Variants in CRY2 observed in about 807,000 individuals in gnomAD.
CRY2 encodes cryptochrome-2.
A neutral mutation model predicts 69.5 loss-of-function variants in CRY2; 31 were observed. That is an observed-to-expected ratio of 0.45 (90% confidence interval 0.34 to 0.60). The LOEUF (loss-of-function observed/expected upper bound fraction) is 0.60. Among genes scored for constraint, CRY2 ranks in the 20% least tolerant of loss-of-function variants. CRY2 has a pLI of 0.02. For missense variants in CRY2, 606 were observed against 797.8 expected (o/e 0.76, Z 2.90); for synonymous variants, 303 against 312.2 (o/e 0.97, Z 0.31).
chr11:45,861,995 C>A, intron 4 of CRY2, 65 bp from the exon 5 acceptor site: 1 of 1,351,036 alleles, frequency 7.4e-7, no homozygotes, highest in Non-Finnish European at 1.0e-6. Context: ...AATAACAGAA[C>A]AGCCGTGCCG....
intron 10 of CRY2, 70 bp downstream of exon 10, chr11:45,871,004 AG>A: frequency 7.4e-7 from 1 of 1,346,220 alleles, no homozygotes; most frequent in Non-Finnish European, 1.0e-6. Context: ...TTCAGGACTG[AG>A]GCCAGAAGGA....
chr11:45,870,726 A>G, intron 9 of CRY2, 116 bp from the exon 10 acceptor site: 1 of 1,100,028 alleles, frequency 9.1e-7, no homozygotes, highest in African/African-American at 1.5e-5. Flanking sequence ...TGTGGGAGGA[A>G]ATGGAACCTC....
In CRY2 at chr11:45,858,789, G is replaced by A. The variant is rs372353251; in HGVS notation, c.383G>A (p.Arg128Gln). 4 of 1,614,058 alleles carry A rather than the reference G, an allele frequency of 2.5e-6. No individual in the cohort carries two copies. The highest frequency in any genetic ancestry group is 1.3e-5 in the African/African-American group (1 of 74,932). ...EYDSEPFGKE[R>Q]DAAIMKMAKE... is the part of the protein sequence containing the mutation. ...GACTCTGAACCCTTTGGGAAAGAAC[G>A]GGATGCAGCCATCATGAAGATGGCC... The change falls in exon 3 of 12, where the codon CGG becomes CAG. Residue 128 changes from arginine to glutamine, a missense_variant. By Grantham distance (43) the Arg-to-Gln change is conservative. This residue lies in a region of CRY2 where 382 missense variants were observed against 508.9 expected (regional missense o/e 0.75). Transcript: ENST00000616080.
intron 11 of CRY2, among the ~76,000 whole-genome samples, chr11:45,872,488 C>T (rs1330330939): frequency 1.3e-5 from 2 of 152,022 alleles, no homozygotes; most frequent in African/African-American, 2.4e-5. Flanking sequence ...TGTATGTAAT[C>T]CCAGCACTTT....
intron 2 of CRY2, among the ~76,000 whole-genome samples, chr11:45,856,739 T>C (rs528184492): frequency 2.0e-3 from 296 of 148,188 alleles, no homozygotes; most frequent in African/African-American, 6.8e-3. Flanking sequence ...GAGCTTTCAG[T>C]GAGCCGAGAT....
rs184137627 is a variant in CRY2, at chr11:45,862,133, G to A, written c.726G>A (p.Lys242=). 35 of 1,613,758 alleles carry A rather than the reference G, an allele frequency of 2.2e-5. No homozygotes were observed. The African/African-American group carries it at 3.5e-4, about 16-fold the overall frequency. The change falls in exon 5 of 12, where the codon AAG becomes AAA. Residue 242 remains lysine (K), a synonymous_variant. Coordinates refer to ENST00000616080, the MANE Select transcript of CRY2 (RefSeq NM_021117.5). The part of the protein sequence containing the change: ...GETEALARLD[K]HLERKAWVAN... ...CAGAAGCTCTGGCCCGCCTGGATAA[G>A]CACTTGGAACGGAAGGTATGGGCCG...
rs893693792 is a variant in CRY2, at chr11:45,883,159, A to T, written c.*2248A>T. On this transcript the variant is annotated 3_prime_UTR_variant, in exon 12 of 12. Coordinates refer to ENST00000616080, the MANE Select transcript of CRY2 (RefSeq NM_021117.5). ...GTTGCAGGCAAAATGCACTTTATAG[A>T]GATTTTCTATTGCTGGGAAGGTGTG... The T allele has an allele frequency of 2.5e-5, 4 of 162,998 alleles. No individual in the cohort carries two copies. Among genetic ancestry groups the T allele is most frequent in the African/African-American group, 9.6e-5 (4 of 41,856 alleles). The allele number at this position is 162,998 out of a possible 1,614,324, so 10.1% of individuals were successfully genotyped here.
At chr11:45,880,120 G>A (rs918086692) in intron 11 of CRY2, among the ~76,000 whole-genome samples, 14 of 152,204 alleles carry the variant, frequency 9.2e-5, no homozygotes, top group African/African-American at 3.1e-4. Context: ...CAGCACAAGT[G>A]TATAGTACCT....
intron 5 of CRY2, among the ~76,000 whole-genome samples, chr11:45,862,586 A>G (rs1046381465): frequency 3.3e-5 from 5 of 152,242 alleles, no homozygotes; most frequent in African/African-American, 9.6e-5. Flanking sequence ...TGCTCACCTT[A>G]TAACACAGTA....
chr11:45,855,967 G>T lies in CRY2; in HGVS notation c.216-15G>T. 1.2e-6 allele frequency: 2 copies of T among 1,600,736 alleles called. No individual in the cohort carries two copies. The highest frequency in any genetic ancestry group is 1.7e-6 in the Non-Finnish European group (2 of 1,167,876). ...CATGATGTTATCACTAACAAGGCCT[G>T]TGTGGACTCCACAGGTTCCTACTTC... On this transcript the variant is annotated splice_polypyrimidine_tract_variant and intron_variant, in intron 1 of 11. Transcript: ENST00000616080.
intron 4 of CRY2, 196 bp from the exon 5 acceptor site, chr11:45,861,864 A>G (rs1414129660): frequency 1.7e-6 from 1 of 576,740 alleles, no homozygotes; most frequent in Admixed American, 3.1e-5. Flanking sequence ...GTGCAGGGGA[A>G]AGCAGAGAAA....
intron 1 of CRY2, among the ~76,000 whole-genome samples, chr11:45,848,192 C>G (rs1174146535): frequency 6.6e-6 from 1 of 152,192 alleles, no homozygotes; most frequent in Non-Finnish European, 1.5e-5. Context: ...TGAATCCGCC[C>G]TACCACCCAT....
intron 5 of CRY2, among the ~76,000 whole-genome samples, chr11:45,862,828 C>G (rs1016477372): frequency 6.6e-6 from 1 of 152,144 alleles, no homozygotes; most frequent in African/African-American, 2.4e-5. Context: ...AGGAAAGAAG[C>G]CCAGGCCTCA....
chr11:45,871,096 G>C (rs1046751286), intron 10 of CRY2, among the ~76,000 whole-genome samples, 162 bp downstream of exon 10: 1 of 152,238 alleles, frequency 6.6e-6, no homozygotes. Flanking sequence ...CAGATAACAA[G>C]TGCTTTGGAG....
chr11:45,847,277 A>G, upstream of CRY2: 3 of 1,547,974 alleles, frequency 1.9e-6, no homozygotes, highest in South Asian at 2.4e-5. Flanking sequence ...GCGGACCCAC[A>G]CATGGTAGGA....
intron 11 of CRY2, among the ~76,000 whole-genome samples, chr11:45,876,888 T>C (rs2134651372): frequency 6.6e-6 from 1 of 152,322 alleles, no homozygotes. Context: ...CAGACTAGTG[T>C]CTGCATCCCA....
At chr11:45,860,400 A>AC (rs1345349160) in intron 3 of CRY2, among the ~76,000 whole-genome samples, 2 of 151,750 alleles carry the variant, frequency 1.3e-5, no homozygotes, top group African/African-American at 2.4e-5. Flanking sequence ...AAAAAAAAAA[A>AC]AAAAAACATG....
At position 45,882,761 on chromosome 11, in the gene CRY2, CTG is replaced by C. The variant is rs938899905; in HGVS notation, c.*1851_*1852del. On this transcript the variant is annotated 3_prime_UTR_variant, in exon 12 of 12. Transcript: ENST00000616080. The stretch of plus-strand genomic sequence containing the variant: ...GTCAAGCAAACCTGGAAGGGCAAAT[CTG>C]AGAGTGGGAAGGCCAAAGGCCGAGG... The C allele has an allele frequency of 4.3e-5, 17 of 398,622 alleles. No individual in the cohort carries two copies. Among genetic ancestry groups the C allele is most frequent in the African/African-American group, 3.5e-4 (17 of 48,660 alleles). The allele number at this position is 398,622 out of a possible 1,614,324, so 24.7% of individuals were successfully genotyped here.
chr11:45,872,940 CTG>C (rs1243264999), intron 11 of CRY2, among the ~76,000 whole-genome samples: 2 of 152,212 alleles, frequency 1.3e-5, no homozygotes, highest in African/African-American at 4.8e-5. Flanking sequence ...GAGGGCTGTG[CTG>C]TGTCTTACTT....
Sources: allele counts gnomAD v4.1 joint callset (sites outside exome capture counted in the v4.1 genomes callset), GRCh38; gene constraint gnomAD v4.1.1; regional missense constraint gnomAD v4.1.1; transcripts MANE v1.5; gene names NCBI Gene and HGNC (gene_info 2026-07-23, HGNC 2026-07-21).